The following CGNL1 variants were observed in gnomAD, a reference collection of about 807,000 sequenced individuals.
CGNL1 encodes cingulin like 1.
Under a neutral mutation model 141.2 loss-of-function variants are expected in CGNL1, and 132 were observed. That is an observed-to-expected ratio of 0.93 (90% CI 0.81 to 1.08). The LOEUF is 1.08. CGNL1 is among the 50% of genes least tolerant of loss of function. The probability of loss-of-function intolerance (pLI) is 0.00; values close to 1 mark genes in which losing one functional copy is unlikely to be tolerated. For synonymous variants in CGNL1, 690 were observed against 622.1 expected, an observed-to-expected ratio of 1.11 and a Z score of -1.63; for missense variants, 1,870 against 1,588.6, an observed-to-expected ratio of 1.18 and a Z score of -3.01.
intron 8 of CGNL1, among the ~76,000 whole-genome samples, chr15:57,468,563 T>C (rs1595736194): frequency 1.0e-5 from 1 of 98,816 alleles, no homozygotes; most frequent in South Asian, 3.6e-4. Context: ...AGTTTGCGTG[T>C]GTGTGTGTGT....
chr15:57,524,254 A>G (rs1196392843), intron 11 of CGNL1, among the ~76,000 whole-genome samples: 1 of 152,244 alleles, frequency 6.6e-6, no homozygotes, highest in Non-Finnish European at 1.5e-5. Context: ...TGTAAGGTAG[A>G]TATGATTTCG....
chr15:57,539,255 C>T lies in CGNL1; in HGVS notation c.3292-4441C>T, dbSNP rs78267902. Among the ~76,000 whole-genome samples, 1,015 of 152,226 alleles carry T rather than the reference C, an allele frequency of 6.7e-3. 9 individuals carry two copies. The highest frequency in any genetic ancestry group is 0.024 in the African/African-American group (985 of 41,536). On this transcript the variant is annotated intron_variant, in intron 14 of 18. Coordinates refer to ENST00000281282, the MANE Select transcript of CGNL1 (RefSeq NM_032866.5). ...ACTTTTCGGAAAATAATCTACCTTC[C>T]GTCCCTTTCTTGCCTCTACCTTCCC...
At chr15:57,464,710 C>A (rs538136887) in intron 8 of CGNL1, among the ~76,000 whole-genome samples, 108 of 141,854 alleles carry the variant, frequency 7.6e-4, no homozygotes, top group Non-Finnish European at 1.3e-3. Flanking sequence ...CTTTCCTTTC[C>A]TTTCCTTTCC....
chr15:57,480,556 G>A (rs2063712711), intron 8 of CGNL1, among the ~76,000 whole-genome samples: 1 of 152,032 alleles, frequency 6.6e-6, no homozygotes, highest in African/African-American at 2.4e-5. Context: ...TGCATTGAAT[G>A]TAATACTTTA....
chr15:57,516,726 G>A, intron 8 of CGNL1, 54 bp from the exon 9 acceptor site: 1 of 1,561,954 alleles, frequency 6.4e-7, no homozygotes, highest in Non-Finnish European at 8.8e-7. Context: ...TTCCAGCCTG[G>A]GGACAGCTCC....
intron 1 of CGNL1, among the ~76,000 whole-genome samples, chr15:57,402,394 G>A (rs747399770): frequency 3.8e-4 from 58 of 152,314 alleles, no homozygotes; most frequent in Admixed American, 3.3e-3. Context: ...GCAGAACCGT[G>A]AGCCAAGTAA....
At chr15:57,391,881 A>G (rs1356240236) in intron 1 of CGNL1, among the ~76,000 whole-genome samples, 1 of 152,098 alleles carries the variant, frequency 6.6e-6, no homozygotes, top group African/African-American at 2.4e-5. Flanking sequence ...CACAGGCAGG[A>G]AAAGAGGAAA....
chr15:57,434,838 G>A (rs1201390389), intron 1 of CGNL1, among the ~76,000 whole-genome samples: 1 of 152,166 alleles, frequency 6.6e-6, no homozygotes, highest in African/African-American at 2.4e-5. Flanking sequence ...AATACAAGGA[G>A]TCAAATTTTT....
chr15:57,477,213 C>T (rs2063667622), intron 8 of CGNL1, among the ~76,000 whole-genome samples: 1 of 152,070 alleles, frequency 6.6e-6, no homozygotes, highest in Admixed American at 6.6e-5. Flanking sequence ...TGATAGAGTC[C>T]AGAGAAGGTG....
Position 57,519,931 on chromosome 15 carries a change from G to A in CGNL1, c.2715+1434G>A, listed in dbSNP as rs781619060. ...AGTGGTTCCCCTGCTGGGTATCTGC[G>A]CTCATAGTGAATTCAGTGCACAGAA... On this transcript the variant is annotated intron_variant, in intron 10 of 18. Coordinates refer to ENST00000281282, the MANE Select transcript of CGNL1 (RefSeq NM_032866.5). 2.6e-5 allele frequency among the ~76,000 whole-genome samples: 4 copies of A among 152,318 alleles called. No individual in the cohort carries two copies. The South Asian group carries it at 8.3e-4, about 32-fold the overall frequency.
intron 7 of CGNL1, among the ~76,000 whole-genome samples, chr15:57,454,540 CTT>C (rs2063356592): frequency 2.0e-5 from 3 of 152,154 alleles, no homozygotes; most frequent in Admixed American, 1.3e-4. Context: ...CTTTTTAGAA[CTT>C]AGCCTTTCTT....
intron 8 of CGNL1, among the ~76,000 whole-genome samples, chr15:57,494,986 A>G (rs1381598402): frequency 4.6e-5 from 7 of 152,218 alleles, no homozygotes; most frequent in Non-Finnish European, 1.0e-4. Flanking sequence ...CTTGTATGAC[A>G]GGAACCGTGA....
chr15:57,467,522 C>G (rs2063524415), intron 8 of CGNL1, among the ~76,000 whole-genome samples: 2 of 151,994 alleles, frequency 1.3e-5, no homozygotes, highest in African/African-American at 4.8e-5. Context: ...TGCAGAGATC[C>G]AATGAGTGGA....
chr15:57,436,951 CTAGAA>C (rs2063113002), intron 1 of CGNL1, among the ~76,000 whole-genome samples: 1 of 151,678 alleles, frequency 6.6e-6, no homozygotes, highest in African/African-American at 2.4e-5. Flanking sequence ...TAGATTGACT[CTAGAA>C]TAGAAAGAAA....
intron 14 of CGNL1, among the ~76,000 whole-genome samples, chr15:57,535,918 A>G (rs1230306995): frequency 6.6e-6 from 1 of 152,200 alleles, no homozygotes; most frequent in Non-Finnish European, 1.5e-5. Flanking sequence ...TCTCTTATGC[A>G]TACATTTGGC....
chr15:57,408,775 C>A (rs1263437785), intron 1 of CGNL1, among the ~76,000 whole-genome samples: 1 of 152,102 alleles, frequency 6.6e-6, no homozygotes, highest in Non-Finnish European at 1.5e-5. Flanking sequence ...GTGGCTCATG[C>A]CTGTAATCCC....
chr15:57,518,033 C>G (rs1027934774), intron 9 of CGNL1, among the ~76,000 whole-genome samples: 5 of 151,104 alleles, frequency 3.3e-5, no homozygotes, highest in Non-Finnish European at 7.4e-5. Context: ...GGCATGGTGG[C>G]TCATGCCTGT....
intron 13 of CGNL1, among the ~76,000 whole-genome samples, chr15:57,529,473 ACT>A (rs1436340743): frequency 6.6e-6 from 1 of 152,054 alleles, no homozygotes; most frequent in Non-Finnish European, 1.5e-5. Flanking sequence ...TGAACAGTTC[ACT>A]GAGGTTGACA....
At chr15:57,468,074 A>C (rs1010719960) in intron 8 of CGNL1, among the ~76,000 whole-genome samples, 2 of 152,050 alleles carry the variant, frequency 1.3e-5, no homozygotes, top group African/African-American at 4.8e-5. Flanking sequence ...TGTTGGGGGA[A>C]GTCAGTGGGG....
Sources: gnomAD v4.1 joint callset for allele counts (sites outside exome capture counted in the v4.1 genomes callset) on GRCh38, gnomAD v4.1.1 for gene constraint, MANE v1.5 for transcripts, NCBI Gene and HGNC (gene_info 2026-07-23, HGNC 2026-07-21) for gene names.